NPHP4: variants seen among roughly 807,000 people sequenced by gnomAD.
The protein encoded by NPHP4 is nephrocystin 4, also known as nephrocystin-4.
Under a neutral mutation model 155.8 loss-of-function variants are expected in NPHP4, and 151 were observed. The observed-to-expected ratio is 0.97, with a 90% confidence interval of 0.85 to 1.11. NPHP4 has a LOEUF of 1.11. NPHP4 is among the 50% of genes least tolerant of loss of function. The probability of loss-of-function intolerance (pLI) is 0.00; values close to 1 mark genes in which losing one functional copy is unlikely to be tolerated. For missense variants in NPHP4, 1,956 were observed against 1,925.7 expected (o/e 1.02, Z -0.29); for synonymous variants, 845 against 816.8 (o/e 1.03, Z -0.59).
At chr1:5,872,697 T>C (rs989249356) in intron 23 of NPHP4, among the ~76,000 whole-genome samples, 2 of 152,144 alleles carry the variant, frequency 1.3e-5, no homozygotes, top group Non-Finnish European at 2.9e-5. Flanking sequence ...AGCTTTTTAA[T>C]TTTGTTTTTC....
chr1:5,986,215 C>T lies in NPHP4; in HGVS notation c.75G>A (p.Trp25Ter). 6.2e-7 allele frequency: 1 copy of T among 1,613,900 alleles called. No individual in the cohort carries two copies. The highest frequency in any genetic ancestry group is 8.5e-7 in the Non-Finnish European group (1 of 1,179,850). Residue 25 changes from tryptophan to a stop codon, truncating the protein, a stop_gained, in exon 2 of 30, where the codon TGG becomes TGA. Coordinates refer to ENST00000378156, the MANE Select transcript of NPHP4 (RefSeq NM_015102.5). LOFTEE classifies it high-confidence loss of function. ...PPHPQRARQP[W>*]KESTAFQCVL... Reference sequence around the variant, plus strand: ...CACACTGGAATGCCGTGGATTCCTTCCAAGGCTGGCGCGCTCTCTGTGGGT... The same window carrying T: ...CACACTGGAATGCCGTGGATTCCTTTCAAGGCTGGCGCGCTCTCTGTGGGT...
In NPHP4 at chr1:5,867,487, C is replaced by A. The variant is rs763682455; in HGVS notation, c.3472+253G>T. On this transcript the variant is annotated intron_variant, in intron 24 of 29. Coordinates refer to ENST00000378156, the MANE Select transcript of NPHP4 (RefSeq NM_015102.5). The surrounding 1 kb of genome is among the most constrained non-coding windows in gnomAD (Gnocchi z 4.1). ...AGGTGTTCCTCCAGGCACACCTGGA[C>A]CTGGGCCGCGGGAGCTGGGATTTTT... 2 of 574,306 alleles carry A rather than the reference C, an allele frequency of 3.5e-6. No individual in the cohort carries two copies. Among genetic ancestry groups the A allele is most frequent in the Middle Eastern group, 4.7e-4 (1 of 2,150 alleles). The allele number at this position is 574,306 out of a possible 1,614,324, so 35.6% of individuals were successfully genotyped here. A position where few individuals can be genotyped will look rare whatever the true frequency, so the allele number is the denominator to read the frequency against.
At chr1:5,969,392 G>T in intron 3 of NPHP4, 133 bp from the exon 4 acceptor site, 1 of 503,538 alleles carries the variant, frequency 2.0e-6, no homozygotes, top group Non-Finnish European at 3.5e-6. Flanking sequence ...ATGCCCTCAT[G>T]TGGTGTACCA....
intron 11 of NPHP4, among the ~76,000 whole-genome samples, chr1:5,919,076 C>T (rs532716772): frequency 9.9e-5 from 15 of 152,192 alleles, no homozygotes; most frequent in Non-Finnish European, 2.1e-4. Context: ...ACAGCCACGT[C>T]CATTCATTAA....
chr1:5,950,291 T>C (rs753974355), intron 7 of NPHP4, among the ~76,000 whole-genome samples: 3 of 152,128 alleles, frequency 2.0e-5, no homozygotes, highest in Non-Finnish European at 2.9e-5. Flanking sequence ...GATGGCAGCA[T>C]AACAGACCGC....
chr1:5,900,030 A>G (rs1313430367), intron 16 of NPHP4, among the ~76,000 whole-genome samples: 1 of 152,354 alleles, frequency 6.6e-6, no homozygotes, highest in East Asian at 1.9e-4. Flanking sequence ...ACTGCCTGCT[A>G]GAGCGGCTAA....
intron 10 of NPHP4, among the ~76,000 whole-genome samples, chr1:5,932,138 G>A (rs943985386): frequency 6.6e-6 from 1 of 152,120 alleles, no homozygotes; most frequent in African/African-American, 2.4e-5. Flanking sequence ...TGCTAGTGGA[G>A]GGTTGTGCCT....
At chr1:5,964,373 C>A (rs982058656) in intron 5 of NPHP4, among the ~76,000 whole-genome samples, 1 of 152,176 alleles carries the variant, frequency 6.6e-6, no homozygotes, top group Non-Finnish European at 1.5e-5. Context: ...ACCAGAGCTT[C>A]TTGACCCCTG....
chr1:5,952,933 C>G, intron 6 of NPHP4, 97 bp from the exon 7 acceptor site: 1 of 1,189,066 alleles, frequency 8.4e-7, no homozygotes, highest in East Asian at 2.6e-5. Flanking sequence ...CAGCCGGGGC[C>G]TGCAGCAACG....
chr1:5,960,476 T>A (rs111987560), intron 6 of NPHP4, among the ~76,000 whole-genome samples: 2,781 of 152,136 alleles, frequency 0.018, 69 homozygotes, highest in African/African-American at 0.061. Flanking sequence ...TGCATCCTTT[T>A]CTTCAGGGTC....
At chr1:5,982,088 T>C (rs1362248362) in intron 2 of NPHP4, among the ~76,000 whole-genome samples, 1 of 152,196 alleles carries the variant, frequency 6.6e-6, no homozygotes, top group Non-Finnish European at 1.5e-5. Flanking sequence ...TTCATTTTAA[T>C]ACTGGTAGTC....
At chr1:5,963,761 C>T (rs7515065) in intron 5 of NPHP4, among the ~76,000 whole-genome samples, 90,849 of 149,412 alleles carry the variant, frequency 0.61, 27,752 homozygotes, top group East Asian at 0.76. Flanking sequence ...GATCTCGGCT[C>T]ACTGCAACCT....
chr1:5,913,845 G>A (rs1259353839), intron 11 of NPHP4, among the ~76,000 whole-genome samples: 28 of 152,114 alleles, frequency 1.8e-4, no homozygotes, highest in Admixed American at 1.5e-3. Context: ...CCTCCACCCC[G>A]AAGGAGATCA....
chr1:5,967,004 G>C lies in NPHP4; in HGVS notation c.517+295C>G, dbSNP rs1651640084. Among the ~76,000 whole-genome samples the C allele has an allele frequency of 2.6e-5, 4 of 152,338 alleles. No homozygotes were observed. In the South Asian group the frequency reaches 8.3e-4, roughly 32 times the overall value. On this transcript the variant is annotated intron_variant, in intron 5 of 29. Transcript: ENST00000378156. ...GAGACAGCCGGTGGCTGGTGACAGA[G>C]AGCTACTACTTCATCTGGTGAGCAG...
At chr1:5,873,626 T>C in intron 22 of NPHP4, 1 of 512,010 alleles carries the variant, frequency 2.0e-6, no homozygotes. Flanking sequence ...CATGGCATCC[T>C]GTGAGTGAGC....
chr1:5,905,583 G>T lies in NPHP4; in HGVS notation c.1763+49C>A, dbSNP rs769430779. The T allele has an allele frequency of 1.2e-6, 2 of 1,610,870 alleles. No homozygotes were observed. The highest frequency in any genetic ancestry group is 1.7e-6 in the Non-Finnish European group (2 of 1,177,804). ...TGGGGTTCACAAGGTCCAACAGTCT[G>T]ACGGCACAGCACGTGACTGGTTCCA... On this transcript the variant is annotated intron_variant, in intron 14 of 29. Transcript: ENST00000378156. The surrounding 1 kb of genome is among the most constrained non-coding windows in gnomAD (Gnocchi z 4.0).
intron 16 of NPHP4, among the ~76,000 whole-genome samples, chr1:5,903,885 A>G (rs547288430): frequency 6.6e-5 from 10 of 152,352 alleles, no homozygotes; most frequent in African/African-American, 2.4e-4. Flanking sequence ...AGAAGCAAGC[A>G]GACGCCAAGG....
chr1:5,968,018 A>G (rs1490385792), intron 4 of NPHP4, among the ~76,000 whole-genome samples: 1 of 152,044 alleles, frequency 6.6e-6, no homozygotes, highest in African/African-American at 2.4e-5. Flanking sequence ...GGCACGCGAC[A>G]GACACTCAGC....
chr1:5,905,403 T>C lies in NPHP4; in HGVS notation c.1844A>G (p.Gln615Arg), dbSNP rs371424317. ...TGTAGCGCTGACAGCCTCGGCTGGC[T>C]GTTTATTGGCATCCAGAATCTCGGG... ...GFPEILDANK[Q>R]PAEAVSATEP... is the part of the protein sequence containing the mutation. Residue 615 changes from glutamine to arginine, a missense_variant, in exon 15 of 30, where the codon CAG becomes CGG. Coordinates refer to ENST00000378156, the MANE Select transcript of NPHP4 (RefSeq NM_015102.5). This position sits in a 1 kb window ranked among gnomAD's most constrained non-coding sequence, Gnocchi z 4.0. 4.1e-5 allele frequency: 66 copies of C among 1,613,400 alleles called. No homozygotes were observed. The African/African-American group carries it at 8.4e-4, about 21-fold the overall frequency.
Sources: allele counts gnomAD v4.1 joint callset (sites outside exome capture counted in the v4.1 genomes callset), GRCh38; gene constraint gnomAD v4.1.1; non-coding constraint Gnocchi (gnomAD v3.1); transcripts MANE v1.5; gene names NCBI Gene and HGNC (gene_info 2026-07-23, HGNC 2026-07-21).